SGK2: variants seen among roughly 807,000 people sequenced by gnomAD.
The protein encoded by SGK2 is serum/glucocorticoid regulated kinase 2, also known as serine/threonine-protein kinase Sgk2.
A neutral mutation model predicts 47.5 loss-of-function variants in SGK2; 36 were observed. That is an observed-to-expected ratio of 0.76 (90% CI 0.58 to 1.00). The LOEUF (loss-of-function observed/expected upper bound fraction) is 1.00, where lower values mean the gene tolerates loss of function less well. Among genes scored for constraint, SGK2 ranks in the 50% least tolerant of loss-of-function variants. The pLI is 0.00. For missense variants in SGK2, 404 were observed against 467.4 expected (o/e 0.86, Z 1.25); for synonymous variants, 157 against 181.9 (o/e 0.86, Z 1.10).
At chr20:43,566,346 C>T (rs903526031) in intron 1 of SGK2, 127 bp from the exon 2 acceptor site, 2 of 1,613,234 alleles carry the variant, frequency 1.2e-6, no homozygotes, top group East Asian at 4.5e-5. Flanking sequence ...GGGTAGGAAA[C>T]CCTCAGGCGG....
chr20:43,570,897 C>T (rs536973924), intron 7 of SGK2, 127 bp from the exon 8 acceptor site: 7 of 1,478,872 alleles, frequency 4.7e-6, no homozygotes, highest in South Asian at 2.4e-5. Context: ...TTTCTGGGCT[C>T]TCCTTCTGCA....
At chr20:43,581,400 T>C (rs990974058) in intron 12 of SGK2, among the ~76,000 whole-genome samples, 4 of 152,218 alleles carry the variant, frequency 2.6e-5, no homozygotes, top group East Asian at 1.9e-4. Flanking sequence ...GGCAATCTTA[T>C]GGTTGTTACT....
intron 1 of SGK2, among the ~76,000 whole-genome samples, chr20:43,561,241 A>G (rs1295763412): frequency 1.3e-5 from 2 of 152,206 alleles, no homozygotes; most frequent in Non-Finnish European, 2.9e-5. Context: ...GCTGGAGGCC[A>G]GAGAGCACTT....
chr20:43,564,474 C>T (rs376031098), intron 1 of SGK2, among the ~76,000 whole-genome samples: 71 of 152,248 alleles, frequency 4.7e-4, no homozygotes, highest in African/African-American at 1.5e-3. Flanking sequence ...CCTAGCCGCA[C>T]GCATGCGTGC....
intron 1 of SGK2, chr20:43,565,120 G>GC (rs1979614297): frequency 6.6e-6 from 1 of 152,376 alleles, no homozygotes; most frequent in Non-Finnish European, 1.5e-5. Flanking sequence ...ACATCAGCTA[G>GC]CCCCCTCGCG....
At chr20:43,563,060 T>C (rs1006380367) in intron 1 of SGK2, among the ~76,000 whole-genome samples, 2 of 147,832 alleles carry the variant, frequency 1.4e-5, no homozygotes, top group African/African-American at 5.0e-5. Context: ...CACTTGAACC[T>C]GGGAGGCAGA....
chr20:43,577,934 T>G (rs1980566724), intron 11 of SGK2, among the ~76,000 whole-genome samples: 1 of 152,070 alleles, frequency 6.6e-6, no homozygotes, highest in African/African-American at 2.4e-5. Context: ...CATGAGCCAC[T>G]GCGCCCAGCC....
intron 9 of SGK2, among the ~76,000 whole-genome samples, chr20:43,573,177 C>T (rs1452517353): frequency 2.0e-5 from 3 of 152,198 alleles, no homozygotes; most frequent in African/African-American, 7.2e-5. Flanking sequence ...CAAGGTCTCT[C>T]TGCAGCCCTG....
At chr20:43,584,541 GCT>G (rs1980987141) in intron 12 of SGK2, among the ~76,000 whole-genome samples, 1 of 152,078 alleles carries the variant, frequency 6.6e-6, no homozygotes, top group African/African-American at 2.4e-5. Flanking sequence ...CACAATGTAA[GCT>G]CCATGAATGC....
At chr20:43,583,622 A>G (rs1191610625) in intron 12 of SGK2, 2 of 985,042 alleles carry the variant, frequency 2.0e-6, no homozygotes, top group Non-Finnish European at 2.4e-6. Flanking sequence ...GAGAGACTGT[A>G]TTGGTTAGCT....
At chr20:43,559,282 G>A (rs914986049) in intron 1 of SGK2, 123 bp downstream of exon 1, 8 of 152,068 alleles carry the variant, frequency 5.3e-5, no homozygotes, top group African/African-American at 9.7e-5. Flanking sequence ...TTCTTCCTTG[G>A]CGACTTCTTT....
At chr20:43,569,949 C>T (rs1413106148) in intron 6 of SGK2, among the ~76,000 whole-genome samples, 1 of 152,178 alleles carries the variant, frequency 6.6e-6, no homozygotes, top group Non-Finnish European at 1.5e-5. Flanking sequence ...AGCAGAGCTC[C>T]CTCCTGGGCT....
intron 1 of SGK2, among the ~76,000 whole-genome samples, chr20:43,560,604 G>A (rs1285898016): frequency 6.6e-6 from 1 of 151,862 alleles, no homozygotes; most frequent in African/African-American, 2.4e-5. Flanking sequence ...AAATGTGTAC[G>A]TGCAGACATG....
intron 1 of SGK2, among the ~76,000 whole-genome samples, chr20:43,561,441 G>A (rs566151026): frequency 6.8e-6 from 1 of 146,960 alleles, no homozygotes; most frequent in Non-Finnish European, 1.5e-5. Flanking sequence ...CCAGGCTGGA[G>A]TGCAGTGGCG....
At chr20:43,568,050 C>A in intron 5 of SGK2, 51 bp downstream of exon 5, 1 of 1,501,202 alleles carries the variant, frequency 6.7e-7, no homozygotes, top group Non-Finnish European at 9.3e-7. Context: ...CAAGCCGCAG[C>A]CTAGGGTGGC....
chr20:43,563,089 T>C (rs1474256001), intron 1 of SGK2, among the ~76,000 whole-genome samples: 3 of 139,844 alleles, frequency 2.1e-5, no homozygotes, highest in Non-Finnish European at 4.5e-5. Flanking sequence ...TGAGTTGAGA[T>C]AGCACCACTG....
chr20:43,584,627 T>C (rs1028452062), intron 12 of SGK2, among the ~76,000 whole-genome samples: 1 of 152,202 alleles, frequency 6.6e-6, no homozygotes, highest in African/African-American at 2.4e-5. Flanking sequence ...CAGTAAGTGT[T>C]ATGTTGATTA....
chr20:43,566,999 C>G, intron 2 of SGK2, 69 bp from the exon 3 acceptor site: 1 of 1,313,950 alleles, frequency 7.6e-7, no homozygotes, highest in Non-Finnish European at 1.1e-6. Context: ...GGGATCAGGG[C>G]CTGGGCCAGG....
At chr20:43,575,658 TAGGTAGAGGCATG>T (rs1220215640) in intron 10 of SGK2, among the ~76,000 whole-genome samples, 13 of 152,230 alleles carry the variant, frequency 8.5e-5, no homozygotes, top group Non-Finnish European at 1.2e-4. Context: ...GCTGCCTGCT[TAGGTAGAGGCATG>T]TGTAGATTTG....
Sources: allele counts gnomAD v4.1 joint callset (sites outside exome capture counted in the v4.1 genomes callset), GRCh38; gene constraint gnomAD v4.1.1; transcripts MANE v1.5; gene names NCBI Gene and HGNC (gene_info 2026-07-23, HGNC 2026-07-21).